CPLANE1: variants seen among roughly 807,000 people sequenced by gnomAD.
The protein encoded by CPLANE1 is ciliogenesis and planar polarity effector 1.
CPLANE1 carries 263 observed loss-of-function variants against 362.5 expected under a neutral mutation model. The ratio of observed to expected loss-of-function variants is 0.73; its 90% CI spans 0.66 to 0.80. CPLANE1 has a LOEUF of 0.80. CPLANE1 is among the 30% of genes least tolerant of loss of function. The pLI is 0.00. For synonymous variants in CPLANE1, 1,212 were observed against 1,302.6 expected (o/e 0.93, Z 1.50); for missense variants, 3,461 against 3,793.4 (o/e 0.91, Z 2.30).
At chr5:37,141,807 A>T in intron 44 of CPLANE1, 1 of 978,370 alleles carries the variant, frequency 1.0e-6, no homozygotes. Flanking sequence ...AAATGAAATA[A>T]AACAAAAAGT....
intron 40 of CPLANE1, 49 bp from the exon 41 acceptor site, chr5:37,157,469 A>T: frequency 7.3e-7 from 1 of 1,367,482 alleles, no homozygotes; most frequent in Non-Finnish European, 1.0e-6. Context: ...GATTCTATCA[A>T]GACTATGAAA....
At chr5:37,120,035 C>T (rs1220618981) in intron 50 of CPLANE1, among the ~76,000 whole-genome samples, 181 bp downstream of exon 50, 1 of 151,746 alleles carries the variant, frequency 6.6e-6, no homozygotes, top group Non-Finnish European at 1.5e-5. Flanking sequence ...ATTCCTAGGG[C>T]CTTACTTCAA....
chr5:37,161,429 A>G (rs1314645184), intron 38 of CPLANE1, among the ~76,000 whole-genome samples: 1 of 152,238 alleles, frequency 6.6e-6, no homozygotes, highest in Admixed American at 6.5e-5. Flanking sequence ...CTTTTTGATT[A>G]ATATTCATTT....
intron 8 of CPLANE1, among the ~76,000 whole-genome samples, chr5:37,232,156 A>G (rs1797855619): frequency 6.6e-6 from 1 of 152,206 alleles, no homozygotes; most frequent in African/African-American, 2.4e-5. Context: ...CTCATATGCC[A>G]TCCCAAATCA....
intron 21 of CPLANE1, among the ~76,000 whole-genome samples, chr5:37,189,708 G>A (rs889947888): frequency 1.3e-5 from 2 of 152,068 alleles, no homozygotes; most frequent in African/African-American, 2.4e-5. Context: ...TATATCAAGC[G>A]TGCATTGCAG....
intron 42 of CPLANE1, among the ~76,000 whole-genome samples, 161 bp from the exon 43 acceptor site, chr5:37,148,429 G>A (rs915027932): frequency 6.6e-6 from 1 of 152,194 alleles, no homozygotes; most frequent in Non-Finnish European, 1.5e-5. Flanking sequence ...TAAAACAGAG[G>A]AAATTTTTAC....
chr5:37,138,809 A>G lies in CPLANE1; in HGVS notation c.8703T>C (p.Asp2901=). Residue 2901 remains aspartate, a synonymous_variant, in exon 46 of 53, where the codon GAT becomes GAC. Transcript: ENST00000651892. ...TAAGGTCATCAATAATGTCTGCAAT[A>G]TCAGTCAATCCAGTCATCTGGAGCG... ...VHPLQMTGLT[D]IADIIDDLII... 6.2e-7 allele frequency: 1 copy of G among 1,612,690 alleles called. No individual in the cohort carries two copies. The highest frequency in any genetic ancestry group is 8.5e-7 in the Non-Finnish European group (1 of 1,179,378).
chr5:37,124,782 G>T, intron 47 of CPLANE1: 1 of 542,628 alleles, frequency 1.8e-6, no homozygotes, highest in South Asian at 8.0e-5. Flanking sequence ...CTCAACTCTT[G>T]GTCACAAGTG....
At position 37,118,582 on chromosome 5, in the gene CPLANE1, T is replaced by C. The variant is rs1383845048; in HGVS notation, c.9310+1634A>G. On this transcript the variant is annotated intron_variant, in intron 50 of 52. Coordinates refer to ENST00000651892, the MANE Select transcript of CPLANE1 (RefSeq NM_001384732.1). ...TTGGCTCTACCACTTCCTAGTTGTA[T>C]GATCTTGGGCAATTATTTAAGCTTT... is the stretch of plus-strand genomic sequence containing the variant. 2.0e-5 allele frequency among the ~76,000 whole-genome samples: 3 copies of C among 152,200 alleles called. No individual in the cohort carries two copies. The East Asian group carries it at 5.8e-4, about 29-fold the overall frequency.
At chr5:37,090,216 G>A in the CPLANE1 span, among the ~76,000 whole-genome samples, 4 of 152,288 alleles carry the variant, frequency 2.6e-5, no homozygotes, top group Admixed American at 1.3e-4. Flanking sequence ...CAGCTAGATC[G>A]CATTGATCCA....
At chr5:37,166,580 G>A (rs1439065790) in intron 35 of CPLANE1, among the ~76,000 whole-genome samples, 2 of 152,064 alleles carry the variant, frequency 1.3e-5, no homozygotes, top group African/African-American at 2.4e-5. Flanking sequence ...ATTGTGCATT[G>A]CTTACTGTGC....
At chr5:37,186,907 A>C (rs962323792) in intron 23 of CPLANE1, among the ~76,000 whole-genome samples, 21 of 151,894 alleles carry the variant, frequency 1.4e-4, no homozygotes, top group Non-Finnish European at 7.4e-5. Flanking sequence ...AAAAAATACA[A>C]AAAATTAGCC....
intron 42 of CPLANE1, among the ~76,000 whole-genome samples, chr5:37,152,937 C>T (rs1773991897): frequency 6.6e-6 from 1 of 151,982 alleles, no homozygotes; most frequent in Admixed American, 6.6e-5. Flanking sequence ...GAACTGATTA[C>T]TAACTCTCTT....
At chr5:37,157,271 G>T in intron 41 of CPLANE1, 42 bp downstream of exon 41, 1 of 1,187,330 alleles carries the variant, frequency 8.4e-7, no homozygotes, top group Non-Finnish European at 1.1e-6. Flanking sequence ...CAATACAACA[G>T]TAATTCAGGA....
chr5:37,109,757 A>T (rs1373978667), intron 51 of CPLANE1, among the ~76,000 whole-genome samples: 6 of 152,186 alleles, frequency 3.9e-5, no homozygotes, highest in Non-Finnish European at 7.3e-5. Flanking sequence ...CCCGGATTCA[A>T]GCGAGTCTCC....
chr5:37,158,187 C>T, intron 39 of CPLANE1, 37 bp downstream of exon 39: 1 of 1,600,672 alleles, frequency 6.2e-7, no homozygotes, highest in Non-Finnish European at 8.6e-7. Flanking sequence ...CATTTTAGCG[C>T]AAAGGTATTA....
At chr5:37,210,569 C>T in intron 16 of CPLANE1, 1 of 1,539,848 alleles carries the variant, frequency 6.5e-7, no homozygotes, top group Non-Finnish European at 8.9e-7. Flanking sequence ...CTATAAATCG[C>T]ATGAAAGAAC....
chr5:37,244,637 C>A (rs1738880231), intron 4 of CPLANE1, 30 bp from the exon 5 acceptor site: 2 of 1,314,746 alleles, frequency 1.5e-6, no homozygotes, highest in South Asian at 1.4e-5. Flanking sequence ...AGTAATTAAG[C>A]CTCTGAAGTC....
intron 6 of CPLANE1, among the ~76,000 whole-genome samples, chr5:37,241,700 C>T (rs898118687): frequency 6.6e-5 from 10 of 152,144 alleles, no homozygotes; most frequent in African/African-American, 2.4e-4. Flanking sequence ...GATTTGAACT[C>T]ACTGCAACCT....
Sources: gnomAD v4.1 joint callset for allele counts (sites outside exome capture counted in the v4.1 genomes callset) on GRCh38, gnomAD v4.1.1 for gene constraint, MANE v1.5 for transcripts, NCBI Gene and HGNC (gene_info 2026-07-23, HGNC 2026-07-21) for gene names.